ALK: variants seen among roughly 807,000 people sequenced by gnomAD.
ALK encodes ALK receptor tyrosine kinase, also known as ALK tyrosine kinase receptor.
ALK carries 74 observed loss-of-function variants against 163.1 expected under a neutral mutation model. The ratio of observed to expected loss-of-function variants is 0.45; its 90% CI spans 0.38 to 0.55. The LOEUF (loss-of-function observed/expected upper bound fraction) is 0.55. ALK is among the 20% of genes least tolerant of loss of function. The pLI is 0.00. For synonymous variants in ALK, 960 were observed against 843.2 expected (o/e 1.14, Z -2.40); for missense variants, 2,063 against 2,105.3 (o/e 0.98, Z 0.39).
intron 4 of ALK, among the ~76,000 whole-genome samples, chr2:29,524,512 G>A (rs1268016156): frequency 6.6e-6 from 1 of 152,108 alleles, no homozygotes; most frequent in South Asian, 2.1e-4. Flanking sequence ...TCTGAGATTC[G>A]GTTTACTCTT....
chr2:29,612,647 C>T (rs1474595329), intron 3 of ALK, among the ~76,000 whole-genome samples: 11 of 152,164 alleles, frequency 7.2e-5, no homozygotes, highest in Admixed American at 7.2e-4. Flanking sequence ...GGCCCCTAGC[C>T]CTGAACGATC....
At chr2:29,203,271 G>C (rs548359586) in intron 26 of ALK, among the ~76,000 whole-genome samples, 2 of 151,842 alleles carry the variant, frequency 1.3e-5, no homozygotes, top group Non-Finnish European at 2.9e-5. Context: ...ATTTGTGGCC[G>C]CACCATCTTA....
chr2:29,842,557 C>G (rs1325280416), intron 1 of ALK, among the ~76,000 whole-genome samples: 2 of 152,168 alleles, frequency 1.3e-5, no homozygotes, highest in African/African-American at 4.8e-5. Context: ...CACTCAAGTT[C>G]CCAGGTTAGT....
intron 3 of ALK, among the ~76,000 whole-genome samples, chr2:29,608,524 C>T (rs1341983878): frequency 6.6e-6 from 1 of 152,194 alleles, no homozygotes; most frequent in African/African-American, 2.4e-5. Flanking sequence ...ACATCAGACA[C>T]CTGGTCATTT....
chr2:29,269,766 C>T (rs1217712354), intron 11 of ALK, among the ~76,000 whole-genome samples: 1 of 152,238 alleles, frequency 6.6e-6, no homozygotes, highest in Non-Finnish European at 1.5e-5. Context: ...AGGGTTCTAA[C>T]TACGGTCCCA....
chr2:29,646,367 A>T (rs992138897), intron 3 of ALK, among the ~76,000 whole-genome samples: 3 of 152,132 alleles, frequency 2.0e-5, no homozygotes, highest in African/African-American at 7.2e-5. Flanking sequence ...AGTTTCTTGA[A>T]AATATTTCTA....
At chr2:29,701,286 A>G (rs1678727113) in intron 2 of ALK, among the ~76,000 whole-genome samples, 1 of 152,182 alleles carries the variant, frequency 6.6e-6, no homozygotes, top group Non-Finnish European at 1.5e-5. Flanking sequence ...CTAGTTTTCT[A>G]AATCACCTTG....
chr2:29,291,569 G>C (rs1348966922), intron 9 of ALK, among the ~76,000 whole-genome samples: 1 of 152,076 alleles, frequency 6.6e-6, no homozygotes, highest in Non-Finnish European at 1.5e-5. Flanking sequence ...TACCCCAAGG[G>C]GTTGTTTTAA....
At chr2:29,313,001 T>TC (rs201255399) in intron 8 of ALK, among the ~76,000 whole-genome samples, 13,295 of 152,182 alleles carry the variant, frequency 0.087, 618 homozygotes, top group Non-Finnish European at 0.1. Flanking sequence ...AGAGATAACA[T>TC]TACCCTGGAA....
At chr2:29,839,561 T>C (rs1310601415) in intron 1 of ALK, among the ~76,000 whole-genome samples, 2 of 152,186 alleles carry the variant, frequency 1.3e-5, no homozygotes, top group Non-Finnish European at 2.9e-5. Flanking sequence ...ATACATTAAG[T>C]GATCACAACA....
chr2:29,902,313 C>A (rs1289165962), intron 1 of ALK, among the ~76,000 whole-genome samples: 1 of 152,208 alleles, frequency 6.6e-6, no homozygotes, highest in Non-Finnish European at 1.5e-5. Flanking sequence ...GCTTGAATTT[C>A]TCTTTTTCGG....
intron 3 of ALK, among the ~76,000 whole-genome samples, chr2:29,576,960 T>C (rs1182813432): frequency 1.3e-5 from 2 of 152,034 alleles, no homozygotes; most frequent in Admixed American, 1.3e-4. Flanking sequence ...TTACATATTA[T>C]GATATAATGA....
At chr2:29,687,753 C>T (rs1229814004) in intron 3 of ALK, among the ~76,000 whole-genome samples, 1 of 152,138 alleles carries the variant, frequency 6.6e-6, no homozygotes, top group Non-Finnish European at 1.5e-5. Flanking sequence ...CTACTACACA[C>T]ATTCTTTAAC....
chr2:29,777,771 G>C (rs1681214642), intron 1 of ALK, among the ~76,000 whole-genome samples: 3 of 152,120 alleles, frequency 2.0e-5, no homozygotes, highest in African/African-American at 7.2e-5. Flanking sequence ...GCTCCAAGAT[G>C]ATGCTATTTC....
chr2:29,836,337 A>T (rs1375980138), intron 1 of ALK, among the ~76,000 whole-genome samples: 1 of 152,216 alleles, frequency 6.6e-6, no homozygotes, highest in Admixed American at 6.5e-5. Flanking sequence ...CCTCTTGCTC[A>T]TACTACCCGG....
In ALK at chr2:29,356,949, C is replaced by T. The variant is rs56341658; in HGVS notation, c.1282+26783G>A. 3.9e-3 allele frequency among the ~76,000 whole-genome samples: 594 copies of T among 152,274 alleles called. 6 individuals carry two copies. Among genetic ancestry groups the T allele is most frequent in the Non-Finnish European group, 4.3e-3 (292 of 68,018 alleles). On this transcript the variant is annotated intron_variant, in intron 5 of 28. Coordinates refer to ENST00000389048, the MANE Select transcript of ALK (RefSeq NM_004304.5). ...CCAGCCCATGACTGCTCCACATCTT[C>T]AGAGACCCCCAAGTCCCACCCTCTG...
chr2:29,501,464 C>T (rs1672174095), intron 4 of ALK, among the ~76,000 whole-genome samples: 1 of 152,212 alleles, frequency 6.6e-6, no homozygotes. Flanking sequence ...TGGTTTGCTG[C>T]TCCTGCAAAT....
In ALK at chr2:29,484,801, A is replaced by G. The variant is rs577716085; in HGVS notation, c.1154+47114T>C. On this transcript the variant is annotated intron_variant, in intron 4 of 28. Coordinates refer to ENST00000389048, the MANE Select transcript of ALK (RefSeq NM_004304.5). ...ACGTTATTCCTTAACACTACTTTAA[A>G]TGACTGCAAAATTCTATGTTGACAA... 2.6e-4 allele frequency among the ~76,000 whole-genome samples: 40 copies of G among 152,330 alleles called. No individual in the cohort carries two copies. The South Asian group carries it at 8.1e-3, about 31-fold the overall frequency.
At chr2:29,828,941 T>C (rs1194889358) in intron 1 of ALK, among the ~76,000 whole-genome samples, 3 of 151,382 alleles carry the variant, frequency 2.0e-5, no homozygotes, top group African/African-American at 7.3e-5. Context: ...ATAGACTGGA[T>C]TAAGAAAATG....
Sources: allele counts gnomAD v4.1 joint callset (sites outside exome capture counted in the v4.1 genomes callset), GRCh38; gene constraint gnomAD v4.1.1; transcripts MANE v1.5; gene names NCBI Gene and HGNC (gene_info 2026-07-23, HGNC 2026-07-21).